The following WDR47 variants were observed in gnomAD, a reference collection of about 807,000 sequenced individuals.
WDR47 encodes WD repeat-containing protein 47.
A neutral mutation model predicts 97.2 loss-of-function variants in WDR47; 32 were observed. The ratio of observed to expected loss-of-function variants is 0.33; its 90% CI spans 0.25 to 0.44. WDR47 has a LOEUF of 0.44. Ranked by LOEUF, WDR47 falls within the 20% of genes least tolerant of loss-of-function variation. The pLI, the probability that WDR47 is intolerant of heterozygous loss-of-function variation, is 1.00. For missense variants in WDR47, 782 were observed against 1,102.3 expected (o/e 0.71, Z 4.11); for synonymous variants, 375 against 373.5 (o/e 1.00, Z -0.05).
intron 8 of WDR47, among the ~76,000 whole-genome samples, chr1:108,991,945 G>T (rs1163738167): frequency 1.3e-5 from 2 of 152,038 alleles, no homozygotes; most frequent in African/African-American, 4.8e-5. Flanking sequence ...TTACAGGTGT[G>T]AGTCACCACA....
intron 8 of WDR47, 102 bp from the exon 9 acceptor site, chr1:108,991,431 C>A: frequency 1.1e-6 from 1 of 949,420 alleles, no homozygotes; most frequent in Non-Finnish European, 1.6e-6. Flanking sequence ...AGCAAACAAT[C>A]CTAGCTGACT....
At chr1:108,988,619 C>A (rs1454147779) in intron 9 of WDR47, among the ~76,000 whole-genome samples, 1 of 151,862 alleles carries the variant, frequency 6.6e-6, no homozygotes, top group African/African-American at 2.4e-5. Context: ...GAGGTCAAAG[C>A]TGCAGTGAGC....
At position 109,004,733 on chromosome 1, in the gene WDR47, CA is replaced by C; in HGVS notation, c.1131-19del. ...GTGTATCACTTCTTCCAGAAACGTG[CA>C]AAAAAACAAAAAGGCAGAGGGGGGA... On this transcript the variant is annotated intron_variant, in intron 5 of 14. Transcript: ENST00000369962. The C allele has an allele frequency of 1.9e-6, 3 of 1,555,948 alleles. No homozygotes were observed. The highest frequency in any genetic ancestry group is 1.2e-5 in the South Asian group (1 of 80,494).
intron 11 of WDR47, 37 bp from the exon 12 acceptor site, chr1:108,982,816 G>C (rs750659252): frequency 1.3e-6 from 2 of 1,536,064 alleles, no homozygotes; most frequent in Admixed American, 4.0e-5. Context: ...AAAAAATGCT[G>C]CTCAACTTAC....
At chr1:109,006,614 AAC>A (rs1253990019) in intron 5 of WDR47, among the ~76,000 whole-genome samples, 2 of 152,222 alleles carry the variant, frequency 1.3e-5, no homozygotes, top group East Asian at 3.8e-4. Flanking sequence ...TAACCTGTGA[AAC>A]AGTTTATAAG....
At chr1:108,987,114 C>G in intron 9 of WDR47, 1 of 193,312 alleles carries the variant, frequency 5.2e-6, no homozygotes, top group Non-Finnish European at 1.2e-5. Context: ...CATTACAGCC[C>G]CATAGATCCC....
chr1:109,029,250 C>T (rs747835330), intron 1 of WDR47, among the ~76,000 whole-genome samples: 6 of 152,122 alleles, frequency 3.9e-5, no homozygotes, highest in Non-Finnish European at 4.4e-5. Context: ...AACTGCCGGG[C>T]GCAGTGGCTC....
Position 108,983,283 on chromosome 1 carries a change from T to C in WDR47, c.2094A>G (p.Thr698=). Residue 698 remains threonine, a splice_region_variant and synonymous_variant, in exon 11 of 15, where the codon ACA becomes ACG. Coordinates refer to ENST00000369962, the MANE Select transcript of WDR47 (RefSeq NM_001142551.2). ...ACTGCTTACATACTTGGGCCCTACC[T>C]GTTGCGTTACAAGTCTCTGCATTGA... ...LPFNAETCNA[T]GPDLEFSMHD... is the part of the protein sequence containing the mutation. The C allele has an allele frequency of 6.2e-7, 1 of 1,604,152 alleles. No individual in the cohort carries two copies. The highest frequency in any genetic ancestry group is 8.5e-7 in the Non-Finnish European group (1 of 1,175,190).
In WDR47 at chr1:108,982,880, T is replaced by C. The variant is rs1658456244; in HGVS notation, c.2096-101A>G. On this transcript the variant is annotated intron_variant, in intron 11 of 14. Transcript: ENST00000369962. ...TCAAAACTGGTCAAGAATAATGGTT[T>C]AGAAATATGGTTTGTATTTTCATTT... The C allele has an allele frequency of 2.3e-6, 3 of 1,279,128 alleles. No individual in the cohort carries two copies. The Admixed American group carries it at 8.2e-5, about 35-fold the overall frequency. 79.2% of individuals were successfully genotyped at this position (1,279,128 alleles called of 1,614,324 possible).
At chr1:108,994,567 G>A (rs1021155804) in intron 8 of WDR47, among the ~76,000 whole-genome samples, 6 of 152,078 alleles carry the variant, frequency 3.9e-5, no homozygotes, top group Admixed American at 2.6e-4. Context: ...AACATAGTGA[G>A]ATCCCATCTT....
At chr1:109,007,853 C>T (rs1020307657) in intron 5 of WDR47, among the ~76,000 whole-genome samples, 5 of 152,144 alleles carry the variant, frequency 3.3e-5, no homozygotes, top group Admixed American at 2.0e-4. Context: ...CCTGTAATCC[C>T]AGCACTTTGG....
intron 13 of WDR47, among the ~76,000 whole-genome samples, chr1:108,976,307 G>C (rs1657886124): frequency 6.7e-6 from 1 of 149,888 alleles, no homozygotes; most frequent in South Asian, 2.1e-4. Context: ...GCAAAAATGA[G>C]TCCCAGATTT....
At chr1:108,999,983 G>C (rs1331372114) in intron 7 of WDR47, among the ~76,000 whole-genome samples, 1 of 152,166 alleles carries the variant, frequency 6.6e-6, no homozygotes, top group Non-Finnish European at 1.5e-5. Context: ...CAACAGAGGT[G>C]ATAAGAAAAT....
intron 10 of WDR47, among the ~76,000 whole-genome samples, chr1:108,985,482 A>AT (rs1002726325): frequency 1.3e-5 from 2 of 152,126 alleles, no homozygotes; most frequent in South Asian, 2.1e-4. Flanking sequence ...GCACGTTGTA[A>AT]TCTTTCTTCA....
At chr1:109,019,315 G>A (rs1185535797) in intron 2 of WDR47, among the ~76,000 whole-genome samples, 1 of 148,444 alleles carries the variant, frequency 6.7e-6, no homozygotes, top group Non-Finnish European at 1.5e-5. Flanking sequence ...AACCTACAAG[G>A]CACGTTACAG....
At chr1:108,994,288 T>C (rs1033847303) in intron 8 of WDR47, among the ~76,000 whole-genome samples, 1 of 152,032 alleles carries the variant, frequency 6.6e-6, no homozygotes, top group African/African-American at 2.4e-5. Flanking sequence ...TCCCAGCTAC[T>C]CAGGAGGCTG....
intron 3 of WDR47, among the ~76,000 whole-genome samples, chr1:109,015,869 G>C (rs1571224237): frequency 6.6e-6 from 1 of 151,282 alleles, no homozygotes; most frequent in Non-Finnish European, 1.5e-5. Context: ...TGTAGTCCCA[G>C]CTGCTCGGGA....
chr1:109,004,904 C>T (rs570788737), intron 5 of WDR47, among the ~76,000 whole-genome samples, 189 bp from the exon 6 acceptor site: 161 of 152,222 alleles, frequency 1.1e-3, no homozygotes, highest in Non-Finnish European at 8.5e-4. Context: ...AATTCTCCTG[C>T]CTCAGCCTCC....
Position 109,026,538 on chromosome 1 carries a change from G to A in WDR47, c.-9-3017C>T, listed in dbSNP as rs1571246708. On this transcript the variant is annotated intron_variant, in intron 1 of 14. Transcript: ENST00000369962. The stretch of plus-strand genomic sequence containing the variant: ...GGCTACCCAATAGGCAGTGTGCCCA[G>A]AGTAGCCCTTCAGGTAATTCTTACT... Among the ~76,000 whole-genome samples the A allele has an allele frequency of 2.0e-5, 3 of 152,148 alleles. No homozygotes were observed. In the Middle Eastern group the frequency reaches 0.01, roughly 518 times the overall value.
Sources: allele counts gnomAD v4.1 joint callset (sites outside exome capture counted in the v4.1 genomes callset), GRCh38; gene constraint gnomAD v4.1.1; transcripts MANE v1.5; gene names NCBI Gene and HGNC (gene_info 2026-07-23, HGNC 2026-07-21).